TBPL2: variants seen among roughly 807,000 people sequenced by gnomAD.
The protein encoded by TBPL2 is TATA box-binding protein-like 2.
A neutral mutation model predicts 38.2 loss-of-function variants in TBPL2; 40 were observed. That is an observed-to-expected ratio of 1.05 (90% confidence interval 0.81 to 1.36). The LOEUF (loss-of-function observed/expected upper bound fraction) is 1.36, where lower values mean the gene tolerates loss of function less well. Ranked by LOEUF, TBPL2 falls within the 40% of genes most tolerant of loss-of-function variation. TBPL2 has a pLI of 0.00. For synonymous variants in TBPL2, 169 were observed against 171.7 expected (o/e 0.98, Z 0.12); for missense variants, 461 against 456.7 (o/e 1.01, Z -0.09).
chr14:55,424,747 G>T (rs907007030), intron 5 of TBPL2, among the ~76,000 whole-genome samples: 2 of 152,158 alleles, frequency 1.3e-5, no homozygotes, highest in Non-Finnish European at 2.9e-5. Context: ...TATAAATAAA[G>T]AAAATCCAAT....
chr14:55,427,201 C>T (rs1885839517), intron 5 of TBPL2, among the ~76,000 whole-genome samples: 2 of 152,014 alleles, frequency 1.3e-5, no homozygotes, highest in Admixed American at 1.3e-4. Flanking sequence ...GGCAACATGT[C>T]TTACATGGGG....
intron 1 of TBPL2, chr14:55,439,018 A>G (rs1169609898): frequency 1.3e-5 from 2 of 149,390 alleles, no homozygotes; most frequent in Non-Finnish European, 3.0e-5. Context: ...GCTCACTGCA[A>G]CCTCTTCCTC....
rs77647699 is a variant in TBPL2 at position 55,425,896 on chromosome 14, C to T, written c.957-1643G>A. Among the ~76,000 whole-genome samples the T allele has an allele frequency of 8.6e-3, 1,310 of 152,292 alleles. 17 individuals carry two copies. The highest frequency in any genetic ancestry group is 0.03 in the African/African-American group (1,238 of 41,566). ...TAGCTATATTGCTTGCCATTATCAT[C>T]CTAGCATCTGCTACATGGTAGTCAC... On this transcript the variant is annotated intron_variant, in intron 5 of 6. Coordinates refer to ENST00000247219, the Ensembl canonical transcript of TBPL2.
rs79240711 is a variant in TBPL2, at chr14:55,423,299, A to G, written c.1051+860T>C. Among the ~76,000 whole-genome samples the G allele has an allele frequency of 3.8e-4, 58 of 152,362 alleles. 1 individual carries two copies. In the East Asian group the frequency reaches 9.2e-3, roughly 24 times the overall value. On this transcript the variant is annotated intron_variant, in intron 6 of 6. Coordinates refer to ENST00000247219, the Ensembl canonical transcript of TBPL2. Reference sequence around the variant, plus strand: ...ATTTAGATACATTGCATTTAAGACCATGTGATACAGAACTATGTCATATAT... The same window carrying G: ...ATTTAGATACATTGCATTTAAGACCGTGTGATACAGAACTATGTCATATAT...
chr14:55,439,451 A>T (rs1489487849), intron 1 of TBPL2, among the ~76,000 whole-genome samples: 2 of 151,930 alleles, frequency 1.3e-5, no homozygotes, highest in African/African-American at 4.8e-5. Flanking sequence ...GGGAACCTGA[A>T]GTCACTACAG....
intron 1 of TBPL2, among the ~76,000 whole-genome samples, chr14:55,437,262 A>C (rs1049023563): frequency 1.3e-5 from 2 of 152,252 alleles, no homozygotes; most frequent in Admixed American, 1.3e-4. Flanking sequence ...GGATGGCTGG[A>C]GGCTAGGAGT....
At chr14:55,428,218 C>G (rs1270407309) in intron 5 of TBPL2, among the ~76,000 whole-genome samples, 1 of 146,396 alleles carries the variant, frequency 6.8e-6, no homozygotes, top group Non-Finnish European at 1.5e-5. Flanking sequence ...CAAGCTCCAC[C>G]TCCTGGGTTC....
chr14:55,428,774 A>T, intron 5 of TBPL2, 33 bp downstream of exon 5: 3 of 1,581,272 alleles, frequency 1.9e-6, no homozygotes, highest in African/African-American at 2.7e-5. Flanking sequence ...ATATCTTGGT[A>T]AATTCAAAGT....
At chr14:55,414,295 T>G in exon 7 of TBPL2, 1 of 1,054,494 alleles carries the variant, frequency 9.5e-7, no homozygotes, top group Non-Finnish European at 1.4e-6. Context: ...CATCTACAAT[T>G]AAACGTAGAA....
intron 6 of TBPL2, among the ~76,000 whole-genome samples, chr14:55,421,883 TAATC>T (rs766783270): frequency 1.3e-5 from 2 of 152,216 alleles, no homozygotes; most frequent in Non-Finnish European, 2.9e-5. Context: ...AGTTATGACT[TAATC>T]AACTTTTCTG....
Position 55,440,376 on chromosome 14 carries a change from G to C in TBPL2, c.150+20C>G. On this transcript the variant is annotated intron_variant, in intron 1 of 6. Transcript: ENST00000247219. ...GGCGGGACTTGGGTCCTGACTCTGG[G>C]ACAGTGGCGGCAGCCTCACCTGAGC... 3 of 1,612,862 alleles carry C rather than the reference G, an allele frequency of 1.9e-6. No individual in the cohort carries two copies. The highest frequency in any genetic ancestry group is 2.5e-6 in the Non-Finnish European group (3 of 1,179,944).
At chr14:55,432,327 G>T (rs1176959307) in intron 4 of TBPL2, among the ~76,000 whole-genome samples, 1 of 151,120 alleles carries the variant, frequency 6.6e-6, no homozygotes, top group Non-Finnish European at 1.5e-5. Flanking sequence ...CTGGAAGGAT[G>T]GCTCCAGCCC....
At chr14:55,421,880 A>T (rs1003824186) in intron 6 of TBPL2, among the ~76,000 whole-genome samples, 1 of 152,250 alleles carries the variant, frequency 6.6e-6, no homozygotes, top group African/African-American at 2.4e-5. Context: ...CTGAGTTATG[A>T]CTTAATCAAC....
intron 6 of TBPL2, 97 bp from the exon 7 acceptor site, chr14:55,414,552 A>G: frequency 1.1e-6 from 1 of 875,948 alleles, no homozygotes; most frequent in South Asian, 1.9e-5. Context: ...ATTACTTTTA[A>G]TATGACATCT....
intron 6 of TBPL2, among the ~76,000 whole-genome samples, chr14:55,421,139 C>G (rs190685174): frequency 0.012 from 1,790 of 151,132 alleles, 70 homozygotes; most frequent in Non-Finnish European, 7.9e-3. Flanking sequence ...TTAAAGAAAT[C>G]TATAATAGGA....
intron 3 of TBPL2, 85 bp downstream of exon 3, chr14:55,435,762 A>G (rs2140179442): frequency 1.0e-6 from 1 of 989,044 alleles, no homozygotes. Flanking sequence ...GAAAAAACAG[A>G]GGAATTAGTC....
At chr14:55,427,713 G>A (rs896572749) in intron 5 of TBPL2, among the ~76,000 whole-genome samples, 1 of 152,048 alleles carries the variant, frequency 6.6e-6, no homozygotes, top group African/African-American at 2.4e-5. Context: ...CAAAACGGCT[G>A]GGGGCGGGGG....
chr14:55,435,464 C>T (rs1052330939), intron 3 of TBPL2, among the ~76,000 whole-genome samples: 16 of 151,920 alleles, frequency 1.1e-4, no homozygotes, highest in Admixed American at 6.6e-4. Context: ...TTAGTAGAGA[C>T]GGGATTTCAC....
At chr14:55,427,273 A>G (rs1453462805) in intron 5 of TBPL2, among the ~76,000 whole-genome samples, 1 of 152,196 alleles carries the variant, frequency 6.6e-6, no homozygotes, top group East Asian at 1.9e-4. Flanking sequence ...TAGGCATTCA[A>G]TAGCATACAG....
Sources: gnomAD v4.1 joint callset for allele counts (sites outside exome capture counted in the v4.1 genomes callset) on GRCh38, gnomAD v4.1.1 for gene constraint, MANE v1.5 for transcripts, NCBI Gene and HGNC (gene_info 2026-07-23, HGNC 2026-07-21) for gene names.